OR9Q1: variants seen among roughly 807,000 people sequenced by gnomAD.
The protein encoded by OR9Q1 is olfactory receptor 9Q1.
For missense variants in OR9Q1, 374 were observed against 378.8 expected (o/e 0.99, Z 0.11); for synonymous variants, 153 against 148.6 (o/e 1.03, Z -0.22).
chr11:58,122,358 C>T (rs1854042115), intron 2 of OR9Q1, among the ~76,000 whole-genome samples: 1 of 152,196 alleles, frequency 6.6e-6, no homozygotes, highest in Non-Finnish European at 1.5e-5. Context: ...ATGGTTCAAG[C>T]TCTGTGGTTG....
chr11:58,066,309 C>A (rs2513728), intron 2 of OR9Q1, among the ~76,000 whole-genome samples: 101,705 of 151,852 alleles, frequency 0.67, 34,511 homozygotes, highest in Middle Eastern at 0.79. Flanking sequence ...AGCTGGGGGT[C>A]CAGATAGTGT....
intron 2 of OR9Q1, chr11:58,118,657 C>G (rs1853985494): frequency 6.2e-7 from 1 of 1,613,956 alleles, no homozygotes. Flanking sequence ...TTTGCCTGAG[C>G]CACTTTGCAG....
At chr11:58,168,642 T>C (rs1372678940) in intron 2 of OR9Q1, among the ~76,000 whole-genome samples, 1 of 152,174 alleles carries the variant, frequency 6.6e-6, no homozygotes, top group Non-Finnish European at 1.5e-5. Context: ...GGCAATAGGT[T>C]TGTCTATTGT....
rs181373794 is a variant in OR9Q1, at chr11:58,076,549, C to G, written c.-15+20602C>G. Among the ~76,000 whole-genome samples, 1,374 of 152,318 alleles carry G rather than the reference C, an allele frequency of 9.0e-3. 13 individuals carry two copies. The highest frequency in any genetic ancestry group is 0.021 in the South Asian group (102 of 4,820). On this transcript the variant is annotated intron_variant, in intron 2 of 2. Coordinates refer to ENST00000335397, the MANE Select transcript of OR9Q1 (RefSeq NM_001005212.4). ...AGAATGTGTCTTCTGCTTCAAATCT[C>G]TTTTATGGGCTCACTGACTTTTGGC...
rs570393150 is a variant in OR9Q1 at position 58,065,088 on chromosome 11, C to T, written c.-15+9141C>T. ...TGGAGGCACATAAACAGCATCGGCTCTACAAACTCAGGCAGACACCTGACA... is the reference window on the plus strand; with the variant it reads ...TGGAGGCACATAAACAGCATCGGCTTTACAAACTCAGGCAGACACCTGACA... On this transcript the variant is annotated intron_variant, in intron 2 of 2. Coordinates refer to ENST00000335397, the MANE Select transcript of OR9Q1 (RefSeq NM_001005212.4). 8.5e-5 allele frequency among the ~76,000 whole-genome samples: 13 copies of T among 152,232 alleles called. No individual in the cohort carries two copies. In the East Asian group the frequency reaches 2.1e-3, roughly 25 times the overall value.
At chr11:58,114,143 A>C (rs984510574) in intron 2 of OR9Q1, among the ~76,000 whole-genome samples, 2 of 152,170 alleles carry the variant, frequency 1.3e-5, no homozygotes, top group African/African-American at 4.8e-5. Flanking sequence ...CTAGTTTTAC[A>C]CAGCATTGCT....
intron 2 of OR9Q1, among the ~76,000 whole-genome samples, chr11:58,128,857 T>G (rs1854114489): frequency 6.6e-6 from 1 of 152,190 alleles, no homozygotes; most frequent in Non-Finnish European, 1.5e-5. Context: ...GTTAAAAATT[T>G]CATATGTCAA....
chr11:58,077,197 C>T (rs1033660347), intron 2 of OR9Q1, among the ~76,000 whole-genome samples: 17 of 152,082 alleles, frequency 1.1e-4, no homozygotes, highest in African/African-American at 3.6e-4. Flanking sequence ...AAAAGGCAGA[C>T]ATGAATCAGG....
At chr11:58,063,808 T>C (rs1590566328) in intron 2 of OR9Q1, among the ~76,000 whole-genome samples, 1 of 152,178 alleles carries the variant, frequency 6.6e-6, no homozygotes, top group Non-Finnish European at 1.5e-5. Context: ...TTCATAAACA[T>C]TGCCTCCCTG....
intron 1 of OR9Q1, chr11:58,026,762 ATCT>A (rs1229628900): frequency 2.6e-5 from 4 of 151,596 alleles, no homozygotes; most frequent in Non-Finnish European, 4.4e-5. Context: ...GGCCATGCTA[ATCT>A]TCTCCGTGTC....
intron 2 of OR9Q1, among the ~76,000 whole-genome samples, chr11:58,140,215 A>C (rs1224934178): frequency 6.7e-6 from 1 of 148,940 alleles, no homozygotes. Context: ...GATTGCAAAA[A>C]TTTTCTCCCA....
At position 58,181,209 on chromosome 11, in the gene OR9Q1, T is replaced by C. The variant is rs1854662521; in HGVS notation, c.*832T>C. 1.8e-5 allele frequency: 3 copies of C among 167,126 alleles called. No individual in the cohort carries two copies. The Admixed American group carries it at 2.0e-4, about 11-fold the overall frequency. The allele number at this position is 167,126 out of a possible 1,614,324, so 10.4% of individuals were successfully genotyped here. On this transcript the variant is annotated 3_prime_UTR_variant, in exon 3 of 3. Coordinates refer to ENST00000335397, the MANE Select transcript of OR9Q1 (RefSeq NM_001005212.4). ...ACTAAAAATCCACTTAGCAAAGTTATACCATTCCCACTGCCCATAATGGCG... is the reference window on the plus strand; with the variant it reads ...ACTAAAAATCCACTTAGCAAAGTTACACCATTCCCACTGCCCATAATGGCG...
At chr11:58,106,250 T>C (rs371209255) in intron 2 of OR9Q1, among the ~76,000 whole-genome samples, 1 of 151,970 alleles carries the variant, frequency 6.6e-6, no homozygotes, top group African/African-American at 2.4e-5. Context: ...GATTTAGTGA[T>C]GCTGAGCACC....
At chr11:58,100,865 C>T (rs1853777113) in intron 2 of OR9Q1, among the ~76,000 whole-genome samples, 1 of 152,104 alleles carries the variant, frequency 6.6e-6, no homozygotes, top group East Asian at 1.9e-4. Context: ...TCATTTGCAG[C>T]AGCATGGATG....
chr11:58,136,397 A>G (rs1211898108), intron 2 of OR9Q1, among the ~76,000 whole-genome samples: 2 of 152,128 alleles, frequency 1.3e-5, no homozygotes, highest in Non-Finnish European at 2.9e-5. Flanking sequence ...TCAAAACAGG[A>G]AACTGTTGCT....
At chr11:58,162,794 C>T (rs1854468190) in intron 2 of OR9Q1, among the ~76,000 whole-genome samples, 5 of 152,060 alleles carry the variant, frequency 3.3e-5, no homozygotes, top group Admixed American at 2.6e-4. Context: ...TCCCTCCTAC[C>T]CCATGTCTTT....
At chr11:58,150,642 C>T (rs958731588) in intron 2 of OR9Q1, among the ~76,000 whole-genome samples, 4 of 152,186 alleles carry the variant, frequency 2.6e-5, no homozygotes, top group Non-Finnish European at 5.9e-5. Context: ...CTCACATGTT[C>T]GTGGTGATGC....
intron 2 of OR9Q1, among the ~76,000 whole-genome samples, chr11:58,088,499 T>C (rs1853654258): frequency 1.3e-5 from 2 of 152,102 alleles, no homozygotes; most frequent in South Asian, 4.1e-4. Flanking sequence ...TCCTGACTTT[T>C]TAATAATTGC....
intron 2 of OR9Q1, among the ~76,000 whole-genome samples, chr11:58,092,435 CATA>C (rs1371006367): frequency 3.3e-5 from 5 of 151,490 alleles, no homozygotes; most frequent in Non-Finnish European, 7.4e-5. Flanking sequence ...TTTTATAAGA[CATA>C]ATAATATATA....
Sources: gnomAD v4.1 joint callset for allele counts (sites outside exome capture counted in the v4.1 genomes callset) on GRCh38, gnomAD v4.1.1 for gene constraint, MANE v1.5 for transcripts, NCBI Gene and HGNC (gene_info 2026-07-23, HGNC 2026-07-21) for gene names.